The following UNC5D variants were observed in gnomAD, a reference collection of about 807,000 sequenced individuals.
The protein encoded by UNC5D is unc-5 netrin receptor D, also known as netrin receptor UNC5D.
In UNC5D, 39 loss-of-function variants were observed where a neutral mutation model predicts 105.4. The ratio of observed to expected loss-of-function variants is 0.37; its 90% CI spans 0.29 to 0.48. The LOEUF (loss-of-function observed/expected upper bound fraction) is 0.48, where lower values mean the gene tolerates loss of function less well. Ranked by LOEUF, UNC5D falls within the 20% of genes least tolerant of loss-of-function variation. UNC5D has a pLI of 0.98. For missense variants in UNC5D, 991 were observed against 1,202.4 expected (o/e 0.82, Z 2.60); for synonymous variants, 452 against 450.4 (o/e 1.00, Z -0.04).
chr8:35,741,233 T>C (rs1047557806), intron 11 of UNC5D, among the ~76,000 whole-genome samples: 14 of 152,330 alleles, frequency 9.2e-5, no homozygotes, highest in South Asian at 6.2e-4. Context: ...TAAAGCCGTT[T>C]AACATATGCA....
intron 4 of UNC5D, among the ~76,000 whole-genome samples, chr8:35,681,373 A>G (rs1480661860): frequency 1.3e-5 from 2 of 152,214 alleles, no homozygotes; most frequent in Non-Finnish European, 2.9e-5. Flanking sequence ...TGTAAGATCC[A>G]GTGAAAGAAG....
intron 1 of UNC5D, among the ~76,000 whole-genome samples, chr8:35,251,931 C>T (rs1381299521): frequency 6.6e-6 from 1 of 152,016 alleles, no homozygotes; most frequent in Non-Finnish European, 1.5e-5. Flanking sequence ...GCCTACACAC[C>T]TTTGCCATTG....
chr8:35,468,609 C>T (rs529505257), intron 1 of UNC5D, among the ~76,000 whole-genome samples: 97 of 152,228 alleles, frequency 6.4e-4, no homozygotes, highest in Admixed American at 1.8e-3. Flanking sequence ...CATGTTTAAA[C>T]GTGGAGGACA....
chr8:35,257,634 A>G (rs571163600), intron 1 of UNC5D, among the ~76,000 whole-genome samples: 51 of 152,322 alleles, frequency 3.3e-4, no homozygotes, highest in African/African-American at 1.1e-3. Flanking sequence ...GGTGGTATGA[A>G]TTATACGCCA....
chr8:35,599,542 A>C (rs1819711842), intron 4 of UNC5D, among the ~76,000 whole-genome samples: 1 of 152,218 alleles, frequency 6.6e-6, no homozygotes, highest in South Asian at 2.1e-4. Context: ...CAGGTGTTCA[A>C]TAAATACTTA....
At chr8:35,501,973 AT>A (rs1441832868) in intron 1 of UNC5D, among the ~76,000 whole-genome samples, 1 of 152,210 alleles carries the variant, frequency 6.6e-6, no homozygotes, top group African/African-American at 2.4e-5. Context: ...AAGTTTGAGT[AT>A]TTTTAAATTG....
chr8:35,439,938 G>A (rs900351225), intron 1 of UNC5D, among the ~76,000 whole-genome samples: 16 of 151,952 alleles, frequency 1.1e-4, no homozygotes, highest in Non-Finnish European at 2.2e-4. Flanking sequence ...ACTGAAGGAG[G>A]TAGTGAAATT....
intron 1 of UNC5D, among the ~76,000 whole-genome samples, chr8:35,398,259 C>T (rs539151705): frequency 1.4e-4 from 21 of 152,202 alleles, no homozygotes; most frequent in African/African-American, 5.1e-4. Context: ...CCTTCCCTTG[C>T]TGGGGCCTTT....
rs11989789 is a variant in UNC5D at position 35,663,412 on chromosome 8, C to A, written c.571-20135C>A. 6.3e-3 allele frequency among the ~76,000 whole-genome samples: 959 copies of A among 152,302 alleles called. 8 individuals carry two copies. Among genetic ancestry groups the A allele is most frequent in the African/African-American group, 0.021 (857 of 41,560 alleles). On this transcript the variant is annotated intron_variant, in intron 4 of 16. Transcript: ENST00000404895. Reference sequence around the variant, plus strand: ...GTCTTAAACACTGAACAGAGTGACACCATTGATTGCAATAGCAACTGTGGG... The same window carrying A: ...GTCTTAAACACTGAACAGAGTGACAACATTGATTGCAATAGCAACTGTGGG...
rs1815925630 is a variant in UNC5D, at chr8:35,549,279, T to C, written c.104-13T>C. 35 of 1,612,416 alleles carry C rather than the reference T, an allele frequency of 2.2e-5. No homozygotes were observed. The highest frequency in any genetic ancestry group is 2.1e-4 in the Middle Eastern group (1 of 4,878). On this transcript the variant is annotated splice_polypyrimidine_tract_variant and intron_variant, in intron 1 of 16. Coordinates refer to ENST00000404895, the MANE Select transcript of UNC5D (RefSeq NM_080872.4). ...ATGTAGGCTGTGTTCTGATGTCTTT[T>C]TTGATTTCACAGGAACTGACAATGG...
At position 35,593,138 on chromosome 8, in the gene UNC5D, A is replaced by C. The variant is rs370061889; in HGVS notation, c.467-2416A>C. ...TAAATAGATATGTATGTATTTACTT[A>C]CCTATTTTGCTGAGAGGCTGGAATG... On this transcript the variant is annotated intron_variant, in intron 3 of 16. Transcript: ENST00000404895. Among the ~76,000 whole-genome samples, 102 of 151,976 alleles carry C rather than the reference A, an allele frequency of 6.7e-4. 2 individuals carry two copies. Among genetic ancestry groups the C allele is most frequent in the African/African-American group, 2.3e-3 (94 of 41,450 alleles).
At chr8:35,589,546 T>TA (rs1404612952) in intron 3 of UNC5D, among the ~76,000 whole-genome samples, 1 of 152,118 alleles carries the variant, frequency 6.6e-6, no homozygotes, top group Non-Finnish European at 1.5e-5. Context: ...TGGTAGTTTT[T>TA]AGTATACTCA....
intron 14 of UNC5D, among the ~76,000 whole-genome samples, chr8:35,763,734 A>T (rs1408017043): frequency 6.6e-6 from 1 of 152,176 alleles, no homozygotes; most frequent in Non-Finnish European, 1.5e-5. Context: ...ACCCTACAAA[A>T]ATTCACTGGT....
chr8:35,423,503 T>C (rs1806043765), intron 1 of UNC5D, among the ~76,000 whole-genome samples: 1 of 152,228 alleles, frequency 6.6e-6, no homozygotes. Flanking sequence ...TGTAGCTAAT[T>C]CTATTTTTCT....
intron 4 of UNC5D, among the ~76,000 whole-genome samples, chr8:35,624,152 C>T (rs1821546973): frequency 6.6e-6 from 1 of 152,084 alleles, no homozygotes; most frequent in South Asian, 2.1e-4. Context: ...TCACAGATCA[C>T]GCATGTTGTG....
chr8:35,250,096 A>G (rs1585413862), intron 1 of UNC5D, among the ~76,000 whole-genome samples: 1 of 152,148 alleles, frequency 6.6e-6, no homozygotes, highest in East Asian at 1.9e-4. Context: ...TTAAAAGATG[A>G]GCCCCAAATG....
At chr8:35,658,775 C>T (rs913872167) in intron 4 of UNC5D, among the ~76,000 whole-genome samples, 4 of 151,586 alleles carry the variant, frequency 2.6e-5, no homozygotes, top group East Asian at 1.9e-4. Context: ...CCTCAGCCTC[C>T]GGAGTAGCTG....
chr8:35,518,967 C>A (rs551933856), intron 1 of UNC5D, among the ~76,000 whole-genome samples: 1 of 152,228 alleles, frequency 6.6e-6, no homozygotes, highest in South Asian at 2.1e-4. Context: ...AACATTTGAC[C>A]TAAAATCCTA....
At chr8:35,650,146 A>C (rs949849190) in intron 4 of UNC5D, among the ~76,000 whole-genome samples, 4 of 151,334 alleles carry the variant, frequency 2.6e-5, no homozygotes, top group Admixed American at 2.6e-4. Flanking sequence ...AAAAACAAAA[A>C]ACAAAACACC....
Sources: gnomAD v4.1 joint callset for allele counts (sites outside exome capture counted in the v4.1 genomes callset) on GRCh38, gnomAD v4.1.1 for gene constraint, MANE v1.5 for transcripts, NCBI Gene and HGNC (gene_info 2026-07-23, HGNC 2026-07-21) for gene names.